The following CFAP77 variants were observed in gnomAD, a reference collection of about 807,000 sequenced individuals.
CFAP77 encodes cilia and flagella associated protein 77.
In CFAP77, 25 loss-of-function variants were observed where a neutral mutation model predicts 31.1. That is an observed-to-expected ratio of 0.80 (90% CI 0.59 to 1.12). CFAP77 has a LOEUF of 1.12. Among genes scored for constraint, CFAP77 ranks in the 50% most tolerant of loss-of-function variants. CFAP77 has a pLI of 0.00. For synonymous variants in CFAP77, 151 were observed against 159.9 expected, an observed-to-expected ratio of 0.94 and a Z score of 0.42; for missense variants, 377 against 397.3, an observed-to-expected ratio of 0.95 and a Z score of 0.44.
At chr9:132,488,084 AG>A (rs1367639252) in intron 1 of CFAP77, among the ~76,000 whole-genome samples, 1 of 152,226 alleles carries the variant, frequency 6.6e-6, no homozygotes, top group Non-Finnish European at 1.5e-5. Flanking sequence ...AACAAAATGC[AG>A]GAGAGTGAGT....
chr9:132,463,328 T>C (rs1448871662), intron 1 of CFAP77, among the ~76,000 whole-genome samples: 4 of 152,094 alleles, frequency 2.6e-5, no homozygotes, highest in Non-Finnish European at 5.9e-5. Context: ...TTTTAGAGTG[T>C]AGAAAACCCA....
intron 1 of CFAP77, among the ~76,000 whole-genome samples, chr9:132,488,118 A>G (rs1046270448): frequency 1.3e-5 from 2 of 152,202 alleles, no homozygotes; most frequent in African/African-American, 2.4e-5. Flanking sequence ...ACTGTCAAAC[A>G]AACATTAGTT....
intron 3 of CFAP77, among the ~76,000 whole-genome samples, chr9:132,516,277 C>T (rs1454691956): frequency 6.6e-6 from 1 of 152,226 alleles, no homozygotes; most frequent in Non-Finnish European, 1.5e-5. Flanking sequence ...GCAGGCCAGA[C>T]CTGGCCTAGA....
In CFAP77 at chr9:132,420,445, G is replaced by C. The variant is rs968383951; in HGVS notation, c.195+9979G>C. Among the ~76,000 whole-genome samples the C allele has an allele frequency of 1.9e-4, 29 of 151,300 alleles. 1 individual carries two copies. Among genetic ancestry groups the C allele is most frequent in the Admixed American group, 1.6e-3 (24 of 15,172 alleles). ...AGGTGGGCGGATCACTTGAGGCCAGGAGTTCGAGACCAGCCTGGCCAACAT... is the reference window on the plus strand; with the variant it reads ...AGGTGGGCGGATCACTTGAGGCCAGCAGTTCGAGACCAGCCTGGCCAACAT... On this transcript the variant is annotated intron_variant, in intron 1 of 5. Coordinates refer to ENST00000393216, the MANE Select transcript of CFAP77 (RefSeq NM_001282957.2).
chr9:132,523,957 T>G (rs551139904), intron 3 of CFAP77, among the ~76,000 whole-genome samples: 35 of 152,290 alleles, frequency 2.3e-4, no homozygotes, highest in Admixed American at 6.5e-4. Flanking sequence ...TGTTAATGCA[T>G]TAGCCTATTT....
intron 1 of CFAP77, among the ~76,000 whole-genome samples, chr9:132,436,145 G>C (rs1450400659): frequency 6.6e-6 from 1 of 152,174 alleles, no homozygotes; most frequent in Non-Finnish European, 1.5e-5. Context: ...CACAGCTTCA[G>C]AGGTCAGAAG....
chr9:132,446,377 G>T (rs992266344), intron 1 of CFAP77, among the ~76,000 whole-genome samples: 2 of 151,832 alleles, frequency 1.3e-5, no homozygotes, highest in African/African-American at 4.8e-5. Flanking sequence ...ACACCAGCTC[G>T]AATGAAGCCC....
chr9:132,519,500 A>G (rs1852213840), intron 3 of CFAP77, among the ~76,000 whole-genome samples: 1 of 710 alleles, frequency 1.4e-3, no homozygotes, highest in Non-Finnish European at 3.2e-3. Context: ...GGGTGGATGC[A>G]TGGATGGGTG....
chr9:132,450,506 C>A (rs908565125), intron 1 of CFAP77, among the ~76,000 whole-genome samples: 8 of 152,154 alleles, frequency 5.3e-5, no homozygotes, highest in South Asian at 2.1e-4. Flanking sequence ...TATCAGCCAC[C>A]AAACTTCTGT....
intron 1 of CFAP77, among the ~76,000 whole-genome samples, chr9:132,465,854 G>A (rs1201654867): frequency 6.6e-6 from 1 of 152,186 alleles, no homozygotes; most frequent in East Asian, 1.9e-4. Context: ...GATGAGCTGG[G>A]CTGATGGCAC....
chr9:132,566,930 A>G (rs1829891383), intron 5 of CFAP77, among the ~76,000 whole-genome samples: 1 of 152,100 alleles, frequency 6.6e-6, no homozygotes, highest in South Asian at 2.1e-4. Flanking sequence ...TCCTTCACTC[A>G]TCATTCATTC....
At position 132,410,229 on chromosome 9, in the gene CFAP77, C is replaced by CCCAACCCA; in HGVS notation, c.-43_-42insCCAACCCA. ...AGGCTGTGCCCGACGTGGGGAAGCGCGCCCAAACCAGCCCGCGGGCCGGCT... is the reference window on the plus strand; with the variant it reads ...AGGCTGTGCCCGACGTGGGGAAGCGCCCAACCCAGCCCAAACCAGCCCGCGGGCCGGCT... On this transcript the variant is annotated 5_prime_UTR_variant, in exon 1 of 6. Coordinates refer to ENST00000393216, the MANE Select transcript of CFAP77 (RefSeq NM_001282957.2). 6.7e-7 allele frequency: 1 copy of CCCAACCCA among 1,500,212 alleles called. No individual in the cohort carries two copies. Among genetic ancestry groups the CCCAACCCA allele is most frequent in the East Asian group, 2.7e-5 (1 of 36,958 alleles). The allele number at this position is 1,500,212 out of a possible 1,614,324, so 92.9% of individuals were successfully genotyped here. A position where few individuals can be genotyped will look rare whatever the true frequency, so the allele number is the denominator to read the frequency against.
At chr9:132,515,145 C>T (rs1270574448) in intron 3 of CFAP77, among the ~76,000 whole-genome samples, 1 of 152,238 alleles carries the variant, frequency 6.6e-6, no homozygotes, top group Non-Finnish European at 1.5e-5. Flanking sequence ...CTTGCCACCA[C>T]CCCATCCCCA....
In CFAP77 at chr9:132,455,685, C is replaced by A. The variant is rs764023737; in HGVS notation, c.196-43010C>A. On this transcript the variant is annotated intron_variant, in intron 1 of 5. Transcript: ENST00000393216. This position sits in a 1 kb window ranked among gnomAD's most constrained non-coding sequence, Gnocchi z 4.1. ...GGCGGAGGTTGTAGTGAGTTGAGAT[C>A]GCACTACTGCACTCTGGCCTGGGTG... Among the ~76,000 whole-genome samples, 27 of 152,070 alleles carry A rather than the reference C, an allele frequency of 1.8e-4. No individual in the cohort carries two copies. Among genetic ancestry groups the A allele is most frequent in the African/African-American group, 6.3e-4 (26 of 41,394 alleles).
At chr9:132,474,694 C>T (rs1031169979) in intron 1 of CFAP77, among the ~76,000 whole-genome samples, 1 of 152,142 alleles carries the variant, frequency 6.6e-6, no homozygotes, top group Non-Finnish European at 1.5e-5. Flanking sequence ...AACAGGCACA[C>T]AGGGCCAAAG....
intron 4 of CFAP77, among the ~76,000 whole-genome samples, chr9:132,541,368 GC>G (rs1277660237): frequency 6.6e-6 from 1 of 152,204 alleles, no homozygotes; most frequent in African/African-American, 2.4e-5. Flanking sequence ...TAATTCCGAA[GC>G]CTGGCTCCAT....
chr9:132,432,994 G>A (rs1186476956), intron 1 of CFAP77, among the ~76,000 whole-genome samples: 2 of 152,016 alleles, frequency 1.3e-5, no homozygotes, highest in Non-Finnish European at 2.9e-5. Context: ...GATTACAGGC[G>A]TGAGCCACCA....
intron 3 of CFAP77, among the ~76,000 whole-genome samples, chr9:132,510,089 G>A (rs1852007014): frequency 6.6e-6 from 1 of 152,196 alleles, no homozygotes; most frequent in South Asian, 2.1e-4. Flanking sequence ...GAGGGCTCAG[G>A]GAGGCACTGA....
At chr9:132,482,363 G>T in intron 1 of CFAP77, 1 of 1,613,888 alleles carries the variant, frequency 6.2e-7, no homozygotes. Context: ...ACTCCTCAGC[G>T]GTGCAGAAAG....
Sources: gnomAD v4.1 joint callset for allele counts (sites outside exome capture counted in the v4.1 genomes callset) on GRCh38, gnomAD v4.1.1 for gene constraint, Gnocchi (gnomAD v3.1) non-coding constraint, MANE v1.5 for transcripts, NCBI Gene and HGNC (gene_info 2026-07-23, HGNC 2026-07-21) for gene names.